The following GLI3 variants were observed in gnomAD, a reference collection of about 807,000 sequenced individuals.
The protein encoded by GLI3 is transcription activator GLI3.
GLI3 carries 20 observed loss-of-function variants against 100.8 expected under a neutral mutation model. The observed-to-expected ratio is 0.20, with a 90% confidence interval of 0.14 to 0.29. The LOEUF (loss-of-function observed/expected upper bound fraction) is 0.29. Among genes scored for constraint, GLI3 ranks in the 10% least tolerant of loss-of-function variants. The pLI, the probability that GLI3 is intolerant of heterozygous loss-of-function variation, is 1.00. For synonymous variants in GLI3, 938 were observed against 860.5 expected (o/e 1.09, Z -1.58); for missense variants, 2,040 against 2,128.5 (o/e 0.96, Z 0.82).
At chr7:42,216,751 A>T (rs1356380710) in intron 2 of GLI3, among the ~76,000 whole-genome samples, 1 of 152,204 alleles carries the variant, frequency 6.6e-6, no homozygotes, top group African/African-American at 2.4e-5. Flanking sequence ...AGAGAAAGAG[A>T]CTGGGGACAT....
At chr7:42,074,110 C>T (rs1203779254) in intron 4 of GLI3, among the ~76,000 whole-genome samples, 1 of 152,152 alleles carries the variant, frequency 6.6e-6, no homozygotes, top group African/African-American at 2.4e-5. Context: ...ATTTTTCATG[C>T]CCCCCACTGC....
intron 1 of GLI3, among the ~76,000 whole-genome samples, chr7:42,228,066 A>C (rs903089856): frequency 6.6e-6 from 1 of 152,122 alleles, no homozygotes; most frequent in African/African-American, 2.4e-5. Context: ...CCCCTGCCCG[A>C]GGTCCCAGGC....
At chr7:42,089,974 C>T (rs1042291317) in intron 3 of GLI3, among the ~76,000 whole-genome samples, 2 of 152,192 alleles carry the variant, frequency 1.3e-5, no homozygotes, top group East Asian at 1.9e-4. Context: ...GCCTACTACA[C>T]GCCCATGCTG....
chr7:41,970,188 C>T (rs191106032), intron 13 of GLI3, among the ~76,000 whole-genome samples: 1 of 151,874 alleles, frequency 6.6e-6, no homozygotes, highest in Non-Finnish European at 1.5e-5. Flanking sequence ...GAAGTGAGAA[C>T]AAGACATTTA....
chr7:42,187,611 C>T (rs77231808), intron 2 of GLI3, among the ~76,000 whole-genome samples: 2,831 of 152,192 alleles, frequency 0.019, 94 homozygotes, highest in African/African-American at 0.065. Flanking sequence ...CCTCAGAATG[C>T]GACCTTATAT....
chr7:42,201,150 TAATAA>T (rs1029129989), intron 2 of GLI3, among the ~76,000 whole-genome samples: 1 of 152,166 alleles, frequency 6.6e-6, no homozygotes, highest in African/African-American at 2.4e-5. Context: ...CAATAACTAA[TAATAA>T]AATAGAATAA....
chr7:41,985,075 G>T (rs1054990000), intron 10 of GLI3, among the ~76,000 whole-genome samples: 1 of 152,242 alleles, frequency 6.6e-6, no homozygotes, highest in Non-Finnish European at 1.5e-5. Context: ...GGGTTCACTG[G>T]TGAGTCACTG....
intron 3 of GLI3, among the ~76,000 whole-genome samples, chr7:42,117,872 C>T (rs576592601): frequency 5.6e-4 from 86 of 152,284 alleles, no homozygotes; most frequent in Non-Finnish European, 9.6e-4. Flanking sequence ...CTGCAGATTC[C>T]GTGGTCAGGG....
At chr7:42,074,280 C>T (rs1031305513) in intron 4 of GLI3, among the ~76,000 whole-genome samples, 6 of 152,160 alleles carry the variant, frequency 3.9e-5, no homozygotes, top group Non-Finnish European at 8.8e-5. Flanking sequence ...GGTCAGTGGC[C>T]AGAGTGCACA....
chr7:42,167,017 G>A (rs71538648), intron 2 of GLI3, among the ~76,000 whole-genome samples: 4 of 152,000 alleles, frequency 2.6e-5, no homozygotes, highest in African/African-American at 4.8e-5. Context: ...AGTAGAGACC[G>A]GGTTTCGCCA....
At chr7:42,263,465 A>G (rs991869987) in intron 1 of GLI3, among the ~76,000 whole-genome samples, 1 of 141,230 alleles carries the variant, frequency 7.1e-6, no homozygotes, top group Non-Finnish European at 1.6e-5. Context: ...TTTTTTTTTG[A>G]AAAGGGGGTC....
chr7:42,076,020 A>G (rs558090509), intron 4 of GLI3, among the ~76,000 whole-genome samples: 1 of 152,330 alleles, frequency 6.6e-6, no homozygotes, highest in Admixed American at 6.5e-5. Flanking sequence ...TGTATATATC[A>G]AGGCCGTTAG....
intron 2 of GLI3, among the ~76,000 whole-genome samples, chr7:42,169,609 G>A (rs1263753718): frequency 1.3e-5 from 2 of 151,946 alleles, no homozygotes; most frequent in Non-Finnish European, 2.9e-5. Context: ...CCCCTTGCTG[G>A]GTACATACCC....
At chr7:42,127,486 A>T (rs1235721808) in intron 3 of GLI3, among the ~76,000 whole-genome samples, 1 of 152,208 alleles carries the variant, frequency 6.6e-6, no homozygotes, top group African/African-American at 2.4e-5. Flanking sequence ...GCACACATGC[A>T]TCCCCATGAT....
chr7:42,183,920 C>T (rs1273260272), intron 2 of GLI3, among the ~76,000 whole-genome samples: 1 of 152,152 alleles, frequency 6.6e-6, no homozygotes, highest in African/African-American at 2.4e-5. Flanking sequence ...GCATGGAAAT[C>T]GGGAGCCAGA....
chr7:42,070,718 A>C (rs1369167628), intron 4 of GLI3, among the ~76,000 whole-genome samples: 1 of 152,172 alleles, frequency 6.6e-6, no homozygotes, highest in Non-Finnish European at 1.5e-5. Flanking sequence ...TTTTCATCTG[A>C]ATTATCTATT....
At chr7:42,124,701 T>C (rs1242469323) in intron 3 of GLI3, among the ~76,000 whole-genome samples, 3 of 152,214 alleles carry the variant, frequency 2.0e-5, no homozygotes, top group Admixed American at 6.5e-5. Flanking sequence ...TAAATGACAG[T>C]GAAATGCTTT....
intron 3 of GLI3, chr7:42,145,389 G>A (rs942353473): frequency 1.3e-5 from 5 of 396,034 alleles, no homozygotes; most frequent in South Asian, 1.4e-4. Flanking sequence ...AATTTAAAAT[G>A]TTAACACTTC....
intron 4 of GLI3, among the ~76,000 whole-genome samples, chr7:42,055,369 G>T (rs575008758): frequency 6.6e-6 from 1 of 152,104 alleles, no homozygotes; most frequent in Non-Finnish European, 1.5e-5. Context: ...CCTGTGTGGG[G>T]AGTCTCGTCT....
Sources: gnomAD v4.1 joint callset for allele counts (sites outside exome capture counted in the v4.1 genomes callset) on GRCh38, gnomAD v4.1.1 for gene constraint, MANE v1.5 for transcripts, NCBI Gene and HGNC (gene_info 2026-07-23, HGNC 2026-07-21) for gene names.